The following BICD2 variants were observed in gnomAD, a reference collection of about 807,000 sequenced individuals.
BICD2 encodes the protein BICD cargo adaptor 2, also known as protein bicaudal D homolog 2.
BICD2 carries 25 observed loss-of-function variants against 72.9 expected under a neutral mutation model. The ratio of observed to expected loss-of-function variants is 0.34; its 90% confidence interval spans 0.25 to 0.48. BICD2 has a LOEUF of 0.48. BICD2 is among the 20% of genes least tolerant of loss of function. BICD2 has a pLI of 0.99. For missense variants in BICD2, 894 were observed against 1,175.2 expected (o/e 0.76, Z 3.50); for synonymous variants, 501 against 516.1 (o/e 0.97, Z 0.40).
Position 92,713,651 on chromosome 9 carries a change from C to A in BICD2, c.*1503G>T, listed in dbSNP as rs1853238921. Reference sequence around the variant, plus strand: ...AGTCCCTTAGGAGTATGGAGAGAAGCTATGTGCCAGGCTTGCAAGGAGAGG... The same window carrying A: ...AGTCCCTTAGGAGTATGGAGAGAAGATATGTGCCAGGCTTGCAAGGAGAGG... On this transcript the variant is annotated 3_prime_UTR_variant, in exon 7 of 7. Coordinates refer to ENST00000356884, the MANE Select transcript of BICD2 (RefSeq NM_001003800.2). 3.4e-6 allele frequency: 5 copies of A among 1,461,460 alleles called. No individual in the cohort carries two copies. The East Asian group carries it at 1.3e-4, about 37-fold the overall frequency. 90.5% of individuals were successfully genotyped at this position (1,461,460 alleles called of 1,614,324 possible).
chr9:92,763,120 G>A (rs1854405010), intron 1 of BICD2, among the ~76,000 whole-genome samples: 1 of 152,178 alleles, frequency 6.6e-6, no homozygotes. Context: ...GGCGATGGGG[G>A]AGGACCCAGC....
intron 2 of BICD2, among the ~76,000 whole-genome samples, 160 bp downstream of exon 2, chr9:92,728,864 G>A (rs1023256040): frequency 6.6e-6 from 1 of 152,272 alleles, no homozygotes; most frequent in Non-Finnish European, 1.5e-5. Context: ...GACAGTGGCA[G>A]TGGAGTGCAG....
chr9:92,730,926 G>C (rs1401682859), intron 1 of BICD2, among the ~76,000 whole-genome samples: 3 of 152,228 alleles, frequency 2.0e-5, no homozygotes, highest in African/African-American at 7.2e-5. Context: ...GGTCAGCTCT[G>C]TGATTTCTGC....
chr9:92,749,751 C>T (rs1854109940), intron 1 of BICD2, among the ~76,000 whole-genome samples: 1 of 152,236 alleles, frequency 6.6e-6, no homozygotes, highest in Admixed American at 6.5e-5. Flanking sequence ...CCCTAGCTAC[C>T]CCGCCCAAGA....
At chr9:92,760,217 G>A (rs1854343985) in intron 1 of BICD2, among the ~76,000 whole-genome samples, 1 of 152,116 alleles carries the variant, frequency 6.6e-6, no homozygotes, top group African/African-American at 2.4e-5. Flanking sequence ...GGGGCCCAGG[G>A]GCTCCCAGCA....
chr9:92,724,432 T>C (rs964852374), intron 2 of BICD2, among the ~76,000 whole-genome samples: 2 of 152,142 alleles, frequency 1.3e-5, no homozygotes, highest in Non-Finnish European at 2.9e-5. Context: ...TACTGACAAA[T>C]GCTTACTATT....
At position 92,715,212 on chromosome 9, in the gene BICD2, C is replaced by T; in HGVS notation, c.2510G>A (p.Gly837Asp). Residue 837 changes from glycine to aspartate, a missense_variant, in exon 7 of 7, where the codon GGC becomes GAC. Gly to Asp is a moderately conservative substitution (Grantham distance 94, BLOSUM62 -1). Around this residue, in one of 5 missense-constraint regions of BICD2, gnomAD observed 321 missense variants for 443.9 expected, o/e 0.72. Coordinates refer to ENST00000356884, the MANE Select transcript of BICD2 (RefSeq NM_001003800.2). The part of the protein sequence containing the change: ...TCACASDRAE[G>D]TGLANQVFCS... ...GAACACCTGGTTGGCCAGCCCGGTG[C>T]CCTCGGCCCTGTCGCTGGCACAGGC... 2 of 1,612,442 alleles carry T rather than the reference C, an allele frequency of 1.2e-6. No individual in the cohort carries two copies. Among genetic ancestry groups the T allele is most frequent in the African/African-American group, 1.3e-5 (1 of 75,038 alleles).
chr9:92,719,431 T>C lies in BICD2; in HGVS notation c.1214A>G (p.Glu405Gly). Reference protein sequence around the residue: ...SALRRLQASKERQTALDNEKD... With the variant: ...SALRRLQASKGRQTALDNEKD... ...CTCGTTGTCCAGGGCTGTCTGCCGC[T>C]CCTTGCTGGCCTGCAGGCGCCGCAG... Residue 405 changes from glutamate to glycine, a missense_variant, in exon 5 of 7, where the codon GAG becomes GGG. Transcript: ENST00000356884. 1 of 1,614,116 alleles carries C rather than the reference T, an allele frequency of 6.2e-7. No homozygotes were observed. Among genetic ancestry groups the C allele is most frequent in the South Asian group, 1.1e-5 (1 of 91,088 alleles).
Position 92,717,851 on chromosome 9 carries a change from G to A in BICD2, c.2204C>T (p.Ala735Val). The change falls in exon 6 of 7, where the codon GCC becomes GTC. Residue 735 changes from alanine to valine, a missense_variant. Ala to Val is a moderately conservative substitution (Grantham distance 64). This residue lies in a region of BICD2 where 321 missense variants were observed against 443.9 expected (regional missense o/e 0.72). Coordinates refer to ENST00000356884, the MANE Select transcript of BICD2 (RefSeq NM_001003800.2). ...TMMKLRNELK[A>V]LKEDAATFSS... ...GAAGGTGGCTGCGTCCTCCTTGAGGGCCTTGAGCTCATTGCGCAGCTTCAT... is the reference window on the plus strand; with the variant it reads ...GAAGGTGGCTGCGTCCTCCTTGAGGACCTTGAGCTCATTGCGCAGCTTCAT... 6.2e-7 allele frequency: 1 copy of A among 1,612,892 alleles called. No homozygotes were observed. The highest frequency in any genetic ancestry group is 2.2e-5 in the East Asian group (1 of 44,884).
intron 1 of BICD2, among the ~76,000 whole-genome samples, chr9:92,759,631 C>G (rs1455576985): frequency 1.2e-4 from 19 of 152,172 alleles, no homozygotes; most frequent in Admixed American, 1.2e-3. Context: ...CTCCAGAGTT[C>G]GGCTTCAGAG....
chr9:92,747,957 C>T (rs757143542), intron 1 of BICD2, among the ~76,000 whole-genome samples: 1 of 152,192 alleles, frequency 6.6e-6, no homozygotes, highest in Non-Finnish European at 1.5e-5. Flanking sequence ...AGGGCATAGC[C>T]AGATGCTGGG....
Position 92,720,628 on chromosome 9 carries a change from T to TC in BICD2, c.733dup (p.Glu245GlyfsTer25), listed in dbSNP as rs771197200. The TC allele has an allele frequency of 6.2e-7, 1 of 1,614,088 alleles. No homozygotes were observed. Among genetic ancestry groups the TC allele is most frequent in the Non-Finnish European group, 8.5e-7 (1 of 1,180,034 alleles). On this transcript the variant is annotated frameshift_variant, in exon 4 of 7. Coordinates refer to ENST00000356884, the MANE Select transcript of BICD2 (RefSeq NM_001003800.2). LOFTEE classifies it high-confidence loss of function. The surrounding 1 kb of genome is among the most constrained non-coding windows in gnomAD (Gnocchi z 5.4). Reference sequence around the variant, plus strand: ...CTGTTCGCGCTCCGTCTTCAGGGTCTCCAGCGCCTCCTCCAGCTGCCGCTC... The same window carrying TC: ...CTGTTCGCGCTCCGTCTTCAGGGTCTCCCAGCGCCTCCTCCAGCTGCCGCTC...
At chr9:92,736,650 T>C (rs565172836) in intron 1 of BICD2, among the ~76,000 whole-genome samples, 11 of 152,378 alleles carry the variant, frequency 7.2e-5, no homozygotes, top group Admixed American at 2.6e-4. Flanking sequence ...CTTTACTCTA[T>C]GGACTCGCCT....
At chr9:92,736,475 G>A in intron 1 of BICD2, among the ~76,000 whole-genome samples, 1 of 152,154 alleles carries the variant, frequency 6.6e-6, no homozygotes, top group Middle Eastern at 3.2e-3. Context: ...TCAGCTCTGG[G>A]AACTGTACAC....
chr9:92,750,350 T>C (rs1854122108), intron 1 of BICD2, among the ~76,000 whole-genome samples: 1 of 152,204 alleles, frequency 6.6e-6, no homozygotes. Context: ...ACGTGAATGT[T>C]TAAAGCAGCT....
At chr9:92,746,435 G>C (rs1157017066) in intron 1 of BICD2, among the ~76,000 whole-genome samples, 1 of 151,742 alleles carries the variant, frequency 6.6e-6, no homozygotes, top group African/African-American at 2.4e-5. Flanking sequence ...GGGAGGCTGA[G>C]GCAAGAAAAA....
intron 1 of BICD2, among the ~76,000 whole-genome samples, chr9:92,759,594 T>A (rs1028546823): frequency 2.0e-5 from 3 of 152,170 alleles, no homozygotes; most frequent in African/African-American, 7.2e-5. Context: ...AGGAGGCAGC[T>A]AGGCAGCCAC....
At chr9:92,750,972 G>A (rs1326434023) in intron 1 of BICD2, among the ~76,000 whole-genome samples, 3 of 151,902 alleles carry the variant, frequency 2.0e-5, no homozygotes, top group Non-Finnish European at 2.9e-5. Context: ...GTGCAGTGGC[G>A]AGATCTCAGC....
Position 92,764,478 on chromosome 9 carries a change from G to T in BICD2, c.240+27C>A, listed in dbSNP as rs1409267580. 4.8e-6 allele frequency: 7 copies of T among 1,466,966 alleles called. No individual in the cohort carries two copies. Among genetic ancestry groups the T allele is most frequent in the Non-Finnish European group, 6.4e-6 (7 of 1,101,646 alleles). The allele number at this position is 1,466,966 out of a possible 1,614,324, so 90.9% of individuals were successfully genotyped here. On this transcript the variant is annotated intron_variant, in intron 1 of 6. Transcript: ENST00000356884. This position sits in a 1 kb window ranked among gnomAD's most constrained non-coding sequence, Gnocchi z 5.5. ...CCACAGGCCCCGGCGCCGGGCGGGG[G>T]TCGCAGGGCAGGGCGGCTCGGCTCA...
Sources: allele counts gnomAD v4.1 joint callset (sites outside exome capture counted in the v4.1 genomes callset), GRCh38; gene constraint gnomAD v4.1.1; regional missense constraint gnomAD v4.1.1; non-coding constraint Gnocchi (gnomAD v3.1); transcripts MANE v1.5; gene names NCBI Gene and HGNC (gene_info 2026-07-23, HGNC 2026-07-21).